AFF3: variants seen among roughly 807,000 people sequenced by gnomAD.
AFF3 encodes the protein AF4/FMR2 family member 3.
In AFF3, 32 loss-of-function variants were observed where a neutral mutation model predicts 129.7. That is an observed-to-expected ratio of 0.25 (90% CI 0.19 to 0.33). The LOEUF (loss-of-function observed/expected upper bound fraction) is 0.33, where lower values mean the gene tolerates loss of function less well. Ranked by LOEUF, AFF3 falls within the 10% of genes least tolerant of loss-of-function variation. AFF3 has a pLI of 1.00. For missense variants in AFF3, 1,373 were observed against 1,592.0 expected, an observed-to-expected ratio of 0.86 and a Z score of 2.34; for synonymous variants, 644 against 635.4, an observed-to-expected ratio of 1.01 and a Z score of -0.20.
At position 99,671,147 on chromosome 2, in the gene AFF3, A is replaced by T. The variant is rs539478629; in HGVS notation, c.1143+1391T>A. On this transcript the variant is annotated intron_variant, in intron 12 of 24. Coordinates refer to ENST00000672756, the MANE Select transcript of AFF3 (RefSeq NM_001386135.1). ...AAAGCATACACAATTTACATGTTTG[A>T]TATGATTTAATCCATAATCTATGTA... 4.3e-4 allele frequency among the ~76,000 whole-genome samples: 66 copies of T among 152,374 alleles called. No homozygotes were observed. The South Asian group carries it at 9.5e-3, about 22-fold the overall frequency.
rs187618533 is a variant in AFF3, at chr2:100,008,749, C to T, written c.174+63G>A. The stretch of plus-strand genomic sequence containing the variant: ...GTCGGCCAATTCTTTTAGTCAAGGC[C>T]ACCGTCACAGGGAGTGAGAGAAACA... On this transcript the variant is annotated intron_variant, in intron 5 of 24. Coordinates refer to ENST00000672756, the MANE Select transcript of AFF3 (RefSeq NM_001386135.1). The T allele has an allele frequency of 8.2e-5, 129 of 1,567,834 alleles. No individual in the cohort carries two copies. In the East Asian group the frequency reaches 2.9e-3, roughly 35 times the overall value.
chr2:99,953,145 G>C (rs1369876986), intron 7 of AFF3, among the ~76,000 whole-genome samples: 11 of 152,218 alleles, frequency 7.2e-5, no homozygotes, highest in South Asian at 4.2e-4. Context: ...GCCTGAAAAG[G>C]GTTCTAAGAT....
intron 4 of AFF3, among the ~76,000 whole-genome samples, chr2:100,024,169 T>C (rs1364838265): frequency 7.2e-6 from 1 of 138,762 alleles, no homozygotes; most frequent in Non-Finnish European, 1.5e-5. Context: ...GAGGCGGAGC[T>C]TGCAGTGAGC....
intron 17 of AFF3, among the ~76,000 whole-genome samples, chr2:99,578,722 G>C (rs1677227496): frequency 6.6e-6 from 1 of 152,224 alleles, no homozygotes; most frequent in African/African-American, 2.4e-5. Context: ...AACAGGCTTG[G>C]TGAGGTTCAG....
chr2:99,625,487 G>A (rs989989741), intron 13 of AFF3, among the ~76,000 whole-genome samples: 2 of 152,158 alleles, frequency 1.3e-5, no homozygotes, highest in East Asian at 1.9e-4. Flanking sequence ...CTTTCTTGGA[G>A]GGGTTGTGTA....
chr2:99,865,569 T>A (rs1691329018), intron 7 of AFF3, among the ~76,000 whole-genome samples: 1 of 152,186 alleles, frequency 6.6e-6, no homozygotes, highest in Non-Finnish European at 1.5e-5. Context: ...GGTCCAATGA[T>A]GAAACTCCAA....
chr2:99,837,354 T>C, intron 8 of AFF3, 123 bp downstream of exon 8: 1 of 930,046 alleles, frequency 1.1e-6, no homozygotes, highest in Non-Finnish European at 1.6e-6. Flanking sequence ...ATGTGACTAC[T>C]CTCAGAAAAG....
intron 7 of AFF3, among the ~76,000 whole-genome samples, chr2:99,986,517 C>T (rs1359410565): frequency 6.6e-6 from 1 of 152,034 alleles, no homozygotes; most frequent in Non-Finnish European, 1.5e-5. Flanking sequence ...TTTTCCTCCC[C>T]AAAGGTGCAA....
intron 4 of AFF3, among the ~76,000 whole-genome samples, chr2:100,071,878 G>C (rs1688215754): frequency 6.6e-6 from 1 of 152,152 alleles, no homozygotes. Flanking sequence ...GTACTGTACA[G>C]CATATGTGGT....
At chr2:99,607,316 A>AGG (rs1680466069) in intron 13 of AFF3, among the ~76,000 whole-genome samples, 1 of 152,084 alleles carries the variant, frequency 6.6e-6, no homozygotes, top group African/African-American at 2.4e-5. Context: ...GCAGATCACA[A>AGG]GGTCAAGAGT....
intron 7 of AFF3, among the ~76,000 whole-genome samples, chr2:99,918,894 A>T (rs1420492847): frequency 6.6e-6 from 1 of 152,196 alleles, no homozygotes; most frequent in Non-Finnish European, 1.5e-5. Flanking sequence ...AGTCTTTGTC[A>T]TTCAAAACCA....
At position 99,590,998 on chromosome 2, in the gene AFF3, CAA is replaced by C. The variant is rs762274125; in HGVS notation, c.2466+2195_2466+2196del. Among the ~76,000 whole-genome samples the C allele has an allele frequency of 2.4e-3, 270 of 112,652 alleles. 5 individuals carry two copies. Among genetic ancestry groups the C allele is most frequent in the Non-Finnish European group, 5.0e-4 (27 of 54,424 alleles). The allele number at this position is 112,652 out of a possible 152,430, so 73.9% of individuals were successfully genotyped here. The stretch of plus-strand genomic sequence containing the variant: ...GGGCAACAAGAGCGAAACTCTGTCT[CAA>C]AAAAAAAAAAAAAAATTTTTTTTTC... On this transcript the variant is annotated intron_variant, in intron 15 of 24. Coordinates refer to ENST00000672756, the MANE Select transcript of AFF3 (RefSeq NM_001386135.1).
intron 7 of AFF3, among the ~76,000 whole-genome samples, chr2:99,952,541 C>T (rs912248089): frequency 1.3e-5 from 2 of 152,176 alleles, no homozygotes; most frequent in Non-Finnish European, 2.9e-5. Context: ...GCTGACCTCC[C>T]ATGACTCGCT....
intron 7 of AFF3, among the ~76,000 whole-genome samples, chr2:99,937,036 A>G (rs1674583121): frequency 6.6e-6 from 1 of 152,186 alleles, no homozygotes; most frequent in Non-Finnish European, 1.5e-5. Flanking sequence ...GGTAGGACCT[A>G]TTTCTTGATG....
chr2:100,082,144 A>G lies in AFF3; in HGVS notation c.53+22258T>C, dbSNP rs557094726. On this transcript the variant is annotated intron_variant, in intron 4 of 24. Coordinates refer to ENST00000672756, the MANE Select transcript of AFF3 (RefSeq NM_001386135.1). ...GTTTTTCTTAATTTTAATTCTCATT[A>G]TGAGATTTTCTCATCAAAAATAATT... Among the ~76,000 whole-genome samples the G allele has an allele frequency of 3.9e-5, 6 of 152,332 alleles. No individual in the cohort carries two copies. In the East Asian group the frequency reaches 9.6e-4, roughly 24 times the overall value.
rs533772900 is a variant in AFF3, at chr2:99,644,528, C to T, written c.1184+5098G>A. On this transcript the variant is annotated intron_variant, in intron 13 of 24. Coordinates refer to ENST00000672756, the MANE Select transcript of AFF3 (RefSeq NM_001386135.1). ...TCTGCTGCTATAAAGCATGCCTGCT[C>T]GCTGAGAGCAGCGCTGTCACTCTGA... Among the ~76,000 whole-genome samples the T allele has an allele frequency of 1.1e-4, 16 of 152,314 alleles. No homozygotes were observed. In the South Asian group the frequency reaches 2.3e-3, roughly 22 times the overall value.
At chr2:99,732,227 C>T (rs879770546) in intron 10 of AFF3, among the ~76,000 whole-genome samples, 15 of 151,806 alleles carry the variant, frequency 9.9e-5, no homozygotes, top group Admixed American at 3.9e-4. Context: ...TGGTGGTGGG[C>T]GCCTGTAGTC....
intron 7 of AFF3, among the ~76,000 whole-genome samples, chr2:99,985,588 TGAGA>T (rs1371099152): frequency 2.6e-5 from 4 of 152,062 alleles, no homozygotes; most frequent in African/African-American, 9.7e-5. Context: ...CCCACTACCA[TGAGA>T]AAGAACAATT....
rs1450579770 is a variant in AFF3 at position 99,917,874 on chromosome 2, G to A, written c.874-80350C>T. ...CTGCATTATCTGCCCTGCGAACAGT[G>A]CGCAAAAAAATTCTGTTGGGTATTT... On this transcript the variant is annotated intron_variant, in intron 7 of 24. Coordinates refer to ENST00000672756, the MANE Select transcript of AFF3 (RefSeq NM_001386135.1). Among the ~76,000 whole-genome samples, 4 of 152,060 alleles carry A rather than the reference G, an allele frequency of 2.6e-5. No individual in the cohort carries two copies. In the South Asian group the frequency reaches 8.3e-4, roughly 32 times the overall value.
Sources: allele counts gnomAD v4.1 joint callset (sites outside exome capture counted in the v4.1 genomes callset), GRCh38; gene constraint gnomAD v4.1.1; transcripts MANE v1.5; gene names NCBI Gene and HGNC (gene_info 2026-07-23, HGNC 2026-07-21).